ACAP2: variants seen among roughly 807,000 people sequenced by gnomAD.
The protein encoded by ACAP2 is arf-GAP with coiled-coil, ANK repeat and PH domain-containing protein 2.
ACAP2 carries 39 observed loss-of-function variants against 115.8 expected under a neutral mutation model. The ratio of observed to expected loss-of-function variants is 0.34; its 90% CI spans 0.26 to 0.44. The LOEUF (loss-of-function observed/expected upper bound fraction) is 0.44, where lower values mean the gene tolerates loss of function less well. ACAP2 is among the 20% of genes least tolerant of loss of function. The pLI is 1.00. For synonymous variants in ACAP2, 289 were observed against 315.8 expected (o/e 0.92, Z 0.90); for missense variants, 662 against 927.6 (o/e 0.71, Z 3.72).
intron 1 of ACAP2, among the ~76,000 whole-genome samples, chr3:195,407,916 C>T (rs566230454): frequency 2.6e-5 from 4 of 152,004 alleles, no homozygotes; most frequent in Admixed American, 1.3e-4. Flanking sequence ...TTTAGCTCTA[C>T]AGAATTTTTT....
At position 195,275,610 on chromosome 3, in the gene ACAP2, G is replaced by A. The variant is rs199712162; in HGVS notation, c.*3718C>T. ...CAAATCATTTCATGATACAAATAAA[G>A]TGCCTCTGACTGGTGGTCAGTCAGA... On this transcript the variant is annotated 3_prime_UTR_variant, in exon 23 of 23. Coordinates refer to ENST00000326793, the MANE Select transcript of ACAP2 (RefSeq NM_012287.6). 4.6e-5 allele frequency: 7 copies of A among 152,134 alleles called. No homozygotes were observed. Among genetic ancestry groups the A allele is most frequent in the African/African-American group, 1.7e-4 (7 of 41,428 alleles). The allele number at this position is 152,134 out of a possible 1,614,324, so 9.4% of individuals were successfully genotyped here. A position where few individuals can be genotyped will look rare whatever the true frequency, so the allele number is the denominator to read the frequency against.
At chr3:195,281,533 GAATC>G (rs1331133115) in intron 22 of ACAP2, among the ~76,000 whole-genome samples, 9 of 152,238 alleles carry the variant, frequency 5.9e-5, no homozygotes, top group East Asian at 5.8e-4. Context: ...TTCCCGACCT[GAATC>G]AATCAATTAA....
At chr3:195,293,471 G>A (rs1325186552) in intron 18 of ACAP2, among the ~76,000 whole-genome samples, 1 of 152,204 alleles carries the variant, frequency 6.6e-6, no homozygotes, top group Non-Finnish European at 1.5e-5. Context: ...ACGATAATAA[G>A]ACAGTTCATG....
intron 7 of ACAP2, among the ~76,000 whole-genome samples, chr3:195,335,474 G>A (rs1213680731): frequency 6.6e-6 from 1 of 152,000 alleles, no homozygotes; most frequent in African/African-American, 2.4e-5. Context: ...TCAAGTTCAT[G>A]CACACACACA....
At chr3:195,422,653 T>C (rs745643169) in intron 1 of ACAP2, among the ~76,000 whole-genome samples, 4 of 152,190 alleles carry the variant, frequency 2.6e-5, no homozygotes, top group Non-Finnish European at 5.9e-5. Context: ...TTTTTTTTAA[T>C]TTTCTGTAGA....
intron 4 of ACAP2, among the ~76,000 whole-genome samples, chr3:195,353,514 A>G (rs1382632172): frequency 6.6e-6 from 1 of 152,242 alleles, no homozygotes. Context: ...ACTAGACTAC[A>G]AAAGTCCATT....
chr3:195,349,767 C>A, intron 4 of ACAP2: 1 of 292,700 alleles, frequency 3.4e-6, no homozygotes, highest in Non-Finnish European at 6.6e-6. Flanking sequence ...GAGTGGGCTT[C>A]AAGAAGCATG....
Position 195,401,015 on chromosome 3 carries a change from T to C in ACAP2, c.54-8868A>G, listed in dbSNP as rs113595269. Among the ~76,000 whole-genome samples the C allele has an allele frequency of 5.9e-5, 9 of 152,268 alleles. 1 individual carries two copies. Among genetic ancestry groups the C allele is most frequent in the African/African-American group, 1.9e-4 (8 of 41,570 alleles). On this transcript the variant is annotated intron_variant, in intron 1 of 22. Coordinates refer to ENST00000326793, the MANE Select transcript of ACAP2 (RefSeq NM_012287.6). Reference sequence around the variant, plus strand: ...GAGTTTCAGACCAGTCCCAGCAGCATAGCAAGACTCCGTCTCTGTAATTAA... The same window carrying C: ...GAGTTTCAGACCAGTCCCAGCAGCACAGCAAGACTCCGTCTCTGTAATTAA...
Position 195,391,234 on chromosome 3 carries a change from T to TTC in ACAP2, c.111+855_111+856insGA. Among the ~76,000 whole-genome samples, 2 of 149,962 alleles carry TTC rather than the reference T, an allele frequency of 1.3e-5. 1 individual carries two copies. On this transcript the variant is annotated intron_variant, in intron 2 of 22. Transcript: ENST00000326793. Reference sequence around the variant, plus strand: ...ACAGAAAAAGCTTCTCTTTCTTTTTTTTTTTTTTTTTTGAGATGGAGTTTC... The same window carrying TTC: ...ACAGAAAAAGCTTCTCTTTCTTTTTTTCTTTTTTTTTTTTGAGATGGAGTTTC...
chr3:195,322,193 T>G (rs1312249678), intron 9 of ACAP2, among the ~76,000 whole-genome samples: 1 of 152,228 alleles, frequency 6.6e-6, no homozygotes, highest in African/African-American at 2.4e-5. Flanking sequence ...CAAAGCATTT[T>G]GAACACAACT....
At chr3:195,416,590 T>C (rs1384036833) in intron 1 of ACAP2, among the ~76,000 whole-genome samples, 1 of 152,094 alleles carries the variant, frequency 6.6e-6, no homozygotes, top group Non-Finnish European at 1.5e-5. Flanking sequence ...CTCTCACATG[T>C]GCACAAAGAT....
intron 2 of ACAP2, among the ~76,000 whole-genome samples, chr3:195,387,327 G>A (rs1016838085): frequency 1.3e-5 from 2 of 152,148 alleles, no homozygotes; most frequent in African/African-American, 2.4e-5. Context: ...CAATTACTAT[G>A]TCATAGACAC....
chr3:195,375,689 G>T (rs1431294659), intron 4 of ACAP2, among the ~76,000 whole-genome samples: 1 of 152,090 alleles, frequency 6.6e-6, no homozygotes, highest in Admixed American at 6.5e-5. Flanking sequence ...ATGCATGCCT[G>T]TGGTCCCAGC....
chr3:195,441,511 T>A (rs569833436), intron 1 of ACAP2, among the ~76,000 whole-genome samples: 19 of 152,252 alleles, frequency 1.2e-4, no homozygotes, highest in Non-Finnish European at 2.4e-4. Context: ...TCTTAAATTT[T>A]CTCTAAGTAG....
At position 195,276,253 on chromosome 3, in the gene ACAP2, T is replaced by TG. The variant is rs1253447284; in HGVS notation, c.*3074dup. ...ATATTCCAAATTAAATCTGTATGTC[T>TG]GGAAAAGTAACCAATCAAAGTTCAT... is the stretch of plus-strand genomic sequence containing the variant. On this transcript the variant is annotated 3_prime_UTR_variant, in exon 23 of 23. Transcript: ENST00000326793. 6 of 152,374 alleles carry TG rather than the reference T, an allele frequency of 3.9e-5. No homozygotes were observed. The highest frequency in any genetic ancestry group is 5.9e-5 in the Non-Finnish European group (4 of 68,026). 9.4% of individuals were successfully genotyped at this position (152,374 alleles called of 1,614,324 possible).
Position 195,367,646 on chromosome 3 carries a change from T to C in ACAP2, c.285+13363A>G, listed in dbSNP as rs532906253. Among the ~76,000 whole-genome samples the C allele has an allele frequency of 2.6e-5, 4 of 152,338 alleles. No individual in the cohort carries two copies. The East Asian group carries it at 5.8e-4, about 22-fold the overall frequency. ...TCAAAAGAATGCAGAAGTGATGCGA[T>C]GTGACTTGTAGGCCCAGGCTTTAAG... On this transcript the variant is annotated intron_variant, in intron 4 of 22. Transcript: ENST00000326793.
intron 13 of ACAP2, among the ~76,000 whole-genome samples, chr3:195,303,451 G>A (rs1728203514): frequency 6.6e-6 from 1 of 150,782 alleles, no homozygotes; most frequent in Non-Finnish European, 1.5e-5. Flanking sequence ...GCTAGGCATG[G>A]TGGTGCACAC....
intron 1 of ACAP2, among the ~76,000 whole-genome samples, chr3:195,432,163 T>C (rs886523549): frequency 3.3e-5 from 5 of 152,250 alleles, no homozygotes; most frequent in Non-Finnish European, 7.3e-5. Context: ...ATGTTCTGTG[T>C]CCTTTGAAGC....
intron 21 of ACAP2, among the ~76,000 whole-genome samples, chr3:195,287,788 C>A (rs1192402841): frequency 1.3e-5 from 2 of 152,108 alleles, no homozygotes; most frequent in Non-Finnish European, 2.9e-5. Context: ...AGCCTCTGCC[C>A]TAGTACTATA....
Sources: allele counts gnomAD v4.1 joint callset (sites outside exome capture counted in the v4.1 genomes callset), GRCh38; gene constraint gnomAD v4.1.1; transcripts MANE v1.5; gene names NCBI Gene and HGNC (gene_info 2026-07-23, HGNC 2026-07-21).